NRG1: variants seen among roughly 807,000 people sequenced by gnomAD.
NRG1 encodes the protein neuregulin 1.
In NRG1, 18 loss-of-function variants were observed where a neutral mutation model predicts 63.8. The ratio of observed to expected loss-of-function variants is 0.28; its 90% CI spans 0.19 to 0.42. NRG1 has a LOEUF of 0.42. Among genes scored for constraint, NRG1 ranks in the 10% least tolerant of loss-of-function variants. The pLI, the probability that NRG1 is intolerant of heterozygous loss-of-function variation, is 1.00. For missense variants in NRG1, 762 were observed against 814.7 expected, an observed-to-expected ratio of 0.94 and a Z score of 0.79; for synonymous variants, 302 against 301.3, an observed-to-expected ratio of 1.00 and a Z score of -0.02.
intron 1 of NRG1, among the ~76,000 whole-genome samples, chr8:31,911,312 C>G (rs138805591): frequency 6.6e-6 from 1 of 152,190 alleles, no homozygotes; most frequent in African/African-American, 2.4e-5. Context: ...CTATTCAGAA[C>G]AGCAAAGATG....
chr8:32,096,415 T>C lies in NRG1; in HGVS notation c.37+456984T>C, dbSNP rs146096891. On this transcript the variant is annotated intron_variant, in intron 1 of 10. Transcript: ENST00000519301. ...TATCTGTCACCTCAAACATTATCAT[T>C]TCTTTGTGTTGGGAACATTTCAGAT... 3.2e-3 allele frequency among the ~76,000 whole-genome samples: 480 copies of C among 152,364 alleles called. 1 individual carries two copies. Among genetic ancestry groups the C allele is most frequent in the African/African-American group, 0.011 (463 of 41,592 alleles).
chr8:32,092,102 T>C (rs972811323), intron 1 of NRG1, among the ~76,000 whole-genome samples: 5 of 152,140 alleles, frequency 3.3e-5, no homozygotes, highest in African/African-American at 1.2e-4. Flanking sequence ...ATATATGTTA[T>C]TTCACAACAT....
intron 1 of NRG1, among the ~76,000 whole-genome samples, chr8:31,978,066 A>G (rs1808484475): frequency 6.6e-6 from 1 of 152,120 alleles, no homozygotes; most frequent in Non-Finnish European, 1.5e-5. Flanking sequence ...GATCACTAGC[A>G]AATGGATTCC....
chr8:32,582,335 T>C (rs576845810), intron 1 of NRG1, among the ~76,000 whole-genome samples: 1 of 152,208 alleles, frequency 6.6e-6, no homozygotes, highest in South Asian at 2.1e-4. Context: ...TGGGCTCAAG[T>C]GATCTGCCTA....
intron 1 of NRG1, among the ~76,000 whole-genome samples, chr8:32,371,803 A>G (rs1808897413): frequency 6.6e-6 from 1 of 152,110 alleles, no homozygotes; most frequent in African/African-American, 2.4e-5. Flanking sequence ...ACCTGGTCTG[A>G]GTTCATTGTG....
intron 1 of NRG1, among the ~76,000 whole-genome samples, chr8:32,492,942 C>CTGAA (rs1826773832): frequency 6.6e-6 from 1 of 151,950 alleles, no homozygotes; most frequent in South Asian, 2.1e-4. Flanking sequence ...TTTCTGAAAC[C>CTGAA]ATAGTGTCAT....
At chr8:32,364,197 A>G (rs1807643623) in intron 1 of NRG1, among the ~76,000 whole-genome samples, 1 of 150,496 alleles carries the variant, frequency 6.6e-6, no homozygotes, top group Non-Finnish European at 1.5e-5. Context: ...GATGATTGAT[A>G]GATGATAGAT....
intron 3 of NRG1, among the ~76,000 whole-genome samples, chr8:32,613,672 T>C (rs1846790658): frequency 6.6e-6 from 1 of 152,036 alleles, no homozygotes; most frequent in Non-Finnish European, 1.5e-5. Flanking sequence ...TACCATTAAG[T>C]CATTTGGCAA....
chr8:31,940,236 A>G (rs1240266164), intron 1 of NRG1, among the ~76,000 whole-genome samples: 1 of 152,072 alleles, frequency 6.6e-6, no homozygotes, highest in African/African-American at 2.4e-5. Flanking sequence ...TTGCAAATCA[A>G]CTCCTAAAGG....
chr8:32,459,836 T>C (rs1252941356), intron 1 of NRG1, among the ~76,000 whole-genome samples: 1 of 152,208 alleles, frequency 6.6e-6, no homozygotes, highest in African/African-American at 2.4e-5. Context: ...ATTGCTATTT[T>C]CTATGGCTGG....
intron 1 of NRG1, among the ~76,000 whole-genome samples, chr8:31,890,914 A>G (rs1289398873): frequency 1.3e-5 from 2 of 152,250 alleles, no homozygotes; most frequent in South Asian, 2.1e-4. Context: ...AAGTCATTCA[A>G]TTGCCTTTTC....
intron 1 of NRG1, among the ~76,000 whole-genome samples, chr8:31,737,348 A>G (rs1259056273): frequency 1.3e-5 from 2 of 152,076 alleles, no homozygotes; most frequent in Admixed American, 1.3e-4. Flanking sequence ...TTACAGAATT[A>G]TTATGTTGTA....
chr8:31,982,702 G>A (rs999359660), intron 1 of NRG1, among the ~76,000 whole-genome samples: 4 of 152,006 alleles, frequency 2.6e-5, no homozygotes, highest in Non-Finnish European at 4.4e-5. Flanking sequence ...AGTCAGATGT[G>A]GAGTCCAGAG....
intron 1 of NRG1, among the ~76,000 whole-genome samples, chr8:32,371,608 GT>G (rs74918530): frequency 0.087 from 13,277 of 152,210 alleles, 1,306 homozygotes; most frequent in East Asian, 0.56. Flanking sequence ...AGAGATATTA[GT>G]GAGAATTGGG....
At chr8:31,863,040 G>T (rs1262599205) in intron 1 of NRG1, among the ~76,000 whole-genome samples, 1 of 152,164 alleles carries the variant, frequency 6.6e-6, no homozygotes. Flanking sequence ...AGGGGTAGAG[G>T]TTGCAGAGCT....
chr8:32,080,806 TGTGA>T (rs1827354605), intron 1 of NRG1, among the ~76,000 whole-genome samples: 3 of 121,470 alleles, frequency 2.5e-5, no homozygotes, highest in Admixed American at 8.5e-5. Context: ...TGTGTGTGTG[TGTGA>T]CAGAGACAGA....
At chr8:31,887,129 C>T (rs1480362790) in intron 1 of NRG1, among the ~76,000 whole-genome samples, 5 of 152,150 alleles carry the variant, frequency 3.3e-5, no homozygotes, top group East Asian at 1.9e-4. Flanking sequence ...CCTGGGACCC[C>T]TGCTTGTTAG....
intron 1 of NRG1, among the ~76,000 whole-genome samples, chr8:32,271,464 A>G (rs1177081539): frequency 6.6e-6 from 1 of 152,206 alleles, no homozygotes; most frequent in Non-Finnish European, 1.5e-5. Context: ...CGAGTTGGGT[A>G]AATTTTTTAT....
At chr8:32,351,155 A>G (rs911073972) in intron 1 of NRG1, among the ~76,000 whole-genome samples, 11 of 152,136 alleles carry the variant, frequency 7.2e-5, no homozygotes, top group African/African-American at 2.7e-4. Context: ...AAAACATCTC[A>G]GGGCTGGTCT....
Sources: allele counts gnomAD v4.1 joint callset (sites outside exome capture counted in the v4.1 genomes callset), GRCh38; gene constraint gnomAD v4.1.1; transcripts MANE v1.5; gene names NCBI Gene and HGNC (gene_info 2026-07-23, HGNC 2026-07-21).